The following SDCCAG8 variants were observed in gnomAD, a reference collection of about 807,000 sequenced individuals.
The protein encoded by SDCCAG8 is serologically defined colon cancer antigen 8.
SDCCAG8 carries 74 observed loss-of-function variants against 101.8 expected under a neutral mutation model. The observed-to-expected ratio is 0.73, with a 90% CI of 0.60 to 0.88. SDCCAG8 has a LOEUF of 0.88. Among genes scored for constraint, SDCCAG8 ranks in the 40% least tolerant of loss-of-function variants. The pLI is 0.00. For synonymous variants in SDCCAG8, 281 were observed against 292.9 expected (o/e 0.96, Z 0.41); for missense variants, 787 against 822.6 (o/e 0.96, Z 0.53).
intron 13 of SDCCAG8, among the ~76,000 whole-genome samples, chr1:243,394,235 A>G (rs1464666534): frequency 1.3e-5 from 2 of 152,238 alleles, no homozygotes; most frequent in Non-Finnish European, 2.9e-5. Context: ...AATAGGTGGT[A>G]TAACATAGCC....
intron 1 of SDCCAG8, among the ~76,000 whole-genome samples, chr1:243,260,088 G>GC (rs1253029880): frequency 6.6e-6 from 1 of 152,050 alleles, no homozygotes; most frequent in Non-Finnish European, 1.5e-5. Flanking sequence ...GCTTTGGGTC[G>GC]CCTATGCCCT....
intron 3 of SDCCAG8, among the ~76,000 whole-genome samples, chr1:243,272,293 TTC>T (rs1011189334): frequency 6.6e-6 from 1 of 152,234 alleles, no homozygotes; most frequent in Non-Finnish European, 1.5e-5. Context: ...ACATGTCACT[TTC>T]TTTTCTTCAC....
chr1:243,442,127 G>A lies in SDCCAG8; in HGVS notation c.1985+15569G>A, dbSNP rs541364997. Reference sequence around the variant, plus strand: ...TTAATAATGAGGTGTACATTTTGCTGTGTAAGTGAATAGATCATCATATTA... The same window carrying A: ...TTAATAATGAGGTGTACATTTTGCTATGTAAGTGAATAGATCATCATATTA... On this transcript the variant is annotated intron_variant, in intron 16 of 17. Coordinates refer to ENST00000366541, the MANE Select transcript of SDCCAG8 (RefSeq NM_006642.5). 4.6e-5 allele frequency among the ~76,000 whole-genome samples: 7 copies of A among 152,268 alleles called. No homozygotes were observed. The East Asian group carries it at 1.2e-3, about 25-fold the overall frequency.
At chr1:243,338,222 G>A (rs1324564853) in intron 10 of SDCCAG8, among the ~76,000 whole-genome samples, 1 of 152,122 alleles carries the variant, frequency 6.6e-6, no homozygotes, top group African/African-American at 2.4e-5. Context: ...GCCTTTCTAA[G>A]GGGATTTAAA....
chr1:243,491,943 T>C (rs1442005659), intron 17 of SDCCAG8, among the ~76,000 whole-genome samples: 1 of 152,192 alleles, frequency 6.6e-6, no homozygotes, highest in African/African-American at 2.4e-5. Flanking sequence ...CTCTGTCCAC[T>C]TAATACCCAG....
At chr1:243,365,158 G>A (rs538847107) in intron 12 of SDCCAG8, among the ~76,000 whole-genome samples, 3 of 152,254 alleles carry the variant, frequency 2.0e-5, no homozygotes, top group South Asian at 2.1e-4. Context: ...TGGGCTTAGC[G>A]AGTGGTTTAA....
chr1:243,470,176 T>C (rs1660946133), intron 16 of SDCCAG8, among the ~76,000 whole-genome samples: 1 of 152,296 alleles, frequency 6.6e-6, no homozygotes, highest in South Asian at 2.1e-4. Flanking sequence ...GGCTGTCCCA[T>C]GTGTGCAGTG....
rs2066622183 is a variant in SDCCAG8, at chr1:243,256,077, A to T, written c.-97A>T. ...CCCTGTGACAGCCGCGGCAGGAAGC[A>T]GGCGGGCGCTCCCCGGCCACAGGCC... is the stretch of plus-strand genomic sequence containing the variant. On this transcript the variant is annotated 5_prime_UTR_variant, in exon 1 of 18. Coordinates refer to ENST00000366541, the MANE Select transcript of SDCCAG8 (RefSeq NM_006642.5). The T allele has an allele frequency of 4.4e-6, 5 of 1,132,778 alleles. No individual in the cohort carries two copies. Among genetic ancestry groups the T allele is most frequent in the East Asian group, 2.3e-5 (1 of 42,726 alleles). The allele number at this position is 1,132,778 out of a possible 1,614,324, so 70.2% of individuals were successfully genotyped here.
At chr1:243,364,991 G>A (rs112006478) in intron 12 of SDCCAG8, among the ~76,000 whole-genome samples, 296 of 149,990 alleles carry the variant, frequency 2.0e-3, no homozygotes, top group Non-Finnish European at 2.7e-3. Flanking sequence ...AGAAACAGAC[G>A]ATATGTTTTC....
intron 16 of SDCCAG8, among the ~76,000 whole-genome samples, chr1:243,467,895 G>T (rs1468938584): frequency 6.6e-6 from 1 of 152,196 alleles, no homozygotes; most frequent in Non-Finnish European, 1.5e-5. Flanking sequence ...TACATAGGAT[G>T]ATTGAACCAT....
chr1:243,446,506 T>A (rs2082917292), intron 16 of SDCCAG8, among the ~76,000 whole-genome samples: 1 of 152,172 alleles, frequency 6.6e-6, no homozygotes, highest in Non-Finnish European at 1.5e-5. Context: ...GCTCAAGCCA[T>A]CTGCCCACCT....
At chr1:243,283,853 G>A (rs2069315864) in intron 4 of SDCCAG8, among the ~76,000 whole-genome samples, 1 of 152,218 alleles carries the variant, frequency 6.6e-6, no homozygotes, top group Admixed American at 6.5e-5. Context: ...TGATTCTCCT[G>A]CCTCAGCCTC....
At chr1:243,286,435 T>G in intron 5 of SDCCAG8, 38 bp downstream of exon 5, 1 of 1,609,364 alleles carries the variant, frequency 6.2e-7, no homozygotes, top group East Asian at 2.2e-5. Context: ...TATTTTAGTG[T>G]GAATATTCCC....
intron 5 of SDCCAG8, among the ~76,000 whole-genome samples, chr1:243,291,517 C>T (rs2070265480): frequency 6.6e-6 from 1 of 152,204 alleles, no homozygotes; most frequent in South Asian, 2.1e-4. Flanking sequence ...ACTCTTCTTC[C>T]TTTTTGAATC....
intron 4 of SDCCAG8, among the ~76,000 whole-genome samples, chr1:243,278,021 G>A (rs1265430778): frequency 1.3e-5 from 2 of 152,092 alleles, no homozygotes; most frequent in Admixed American, 6.5e-5. Context: ...TCAGTTTGTC[G>A]ATATCCACAA....
chr1:243,307,561 C>T, intron 7 of SDCCAG8: 1 of 983,492 alleles, frequency 1.0e-6, no homozygotes. Context: ...GAGATTAATG[C>T]TTGAAATAGG....
intron 16 of SDCCAG8, among the ~76,000 whole-genome samples, chr1:243,461,322 G>A (rs892571985): frequency 7.2e-5 from 11 of 152,222 alleles, no homozygotes; most frequent in Admixed American, 2.0e-4. Flanking sequence ...GCAGTCAAAT[G>A]TAAGGTTGAT....
intron 17 of SDCCAG8, among the ~76,000 whole-genome samples, chr1:243,498,865 T>C (rs79036695): frequency 0.012 from 1,845 of 152,366 alleles, 21 homozygotes; most frequent in African/African-American, 0.042. Context: ...ATTGGGCCCC[T>C]GGCCCTGCAG....
At chr1:243,340,806 A>C (rs2256126) in intron 10 of SDCCAG8, among the ~76,000 whole-genome samples, 1 of 152,040 alleles carries the variant, frequency 6.6e-6, no homozygotes, top group Non-Finnish European at 1.5e-5. Flanking sequence ...TCATCTTGTT[A>C]TACATTTTTC....
Sources: allele counts gnomAD v4.1 joint callset (sites outside exome capture counted in the v4.1 genomes callset), GRCh38; gene constraint gnomAD v4.1.1; transcripts MANE v1.5; gene names NCBI Gene and HGNC (gene_info 2026-07-23, HGNC 2026-07-21).